Variants in PLXNA4 observed in about 807,000 individuals in gnomAD.
PLXNA4 encodes the protein plexin A4, also known as plexin-A4.
A neutral mutation model predicts 191.8 loss-of-function variants in PLXNA4; 44 were observed. That is an observed-to-expected ratio of 0.23 (90% CI 0.18 to 0.29). The LOEUF (loss-of-function observed/expected upper bound fraction) is 0.29, where lower values mean the gene tolerates loss of function less well. Among genes scored for constraint, PLXNA4 ranks in the 10% least tolerant of loss-of-function variants. The probability of loss-of-function intolerance (pLI) is 1.00; values close to 1 mark genes in which losing one functional copy is unlikely to be tolerated. For synonymous variants in PLXNA4, 1,082 were observed against 1,009.5 expected (o/e 1.07, Z -1.36); for missense variants, 1,800 against 2,488.8 (o/e 0.72, Z 5.89).
chr7:132,507,073 A>G (rs1348536152), intron 2 of PLXNA4, among the ~76,000 whole-genome samples: 3 of 152,054 alleles, frequency 2.0e-5, no homozygotes, highest in South Asian at 2.1e-4. Context: ...TCCTTCTACC[A>G]TATGGTTTTT....
At chr7:132,135,519 C>T (rs917819076) in intron 30 of PLXNA4, among the ~76,000 whole-genome samples, 2 of 152,134 alleles carry the variant, frequency 1.3e-5, no homozygotes, top group African/African-American at 2.4e-5. Flanking sequence ...AAGGAATCCT[C>T]GGTTAGGGGC....
At chr7:132,257,653 C>A (rs1338807449) in intron 4 of PLXNA4, among the ~76,000 whole-genome samples, 3 of 152,202 alleles carry the variant, frequency 2.0e-5, no homozygotes, top group Non-Finnish European at 2.9e-5. Context: ...CAGGAGCCCA[C>A]AGGTGGGCCA....
chr7:132,557,457 G>T (rs1017840097), intron 1 of PLXNA4, among the ~76,000 whole-genome samples: 2 of 151,984 alleles, frequency 1.3e-5, no homozygotes, highest in South Asian at 2.1e-4. Context: ...TGGCGGCAGG[G>T]GGGGACGTAA....
chr7:132,468,727 TGCACAC>T (rs899159500), intron 3 of PLXNA4, among the ~76,000 whole-genome samples: 3 of 146,474 alleles, frequency 2.0e-5, no homozygotes, highest in African/African-American at 8.0e-5. Context: ...ACACACAATA[TGCACAC>T]GCACACACAC....
intron 3 of PLXNA4, chr7:132,484,743 A>G (rs1402463320): frequency 1.1e-5 from 17 of 1,588,356 alleles, no homozygotes; most frequent in Non-Finnish European, 8.6e-7. Flanking sequence ...TGACACTTCC[A>G]TCCATCTGCA....
At chr7:132,140,991 A>G (rs917617237) in intron 29 of PLXNA4, among the ~76,000 whole-genome samples, 180 bp from the exon 30 acceptor site, 4 of 152,124 alleles carry the variant, frequency 2.6e-5, no homozygotes, top group African/African-American at 9.7e-5. Flanking sequence ...CAGGGCCCCA[A>G]TTTACCTTCC....
At chr7:132,417,843 C>T (rs539056531) in intron 3 of PLXNA4, among the ~76,000 whole-genome samples, 30 of 152,088 alleles carry the variant, frequency 2.0e-4, no homozygotes, top group South Asian at 6.3e-4. Context: ...CTCTTTGGTC[C>T]GTGGGTCTCT....
chr7:132,384,973 C>G (rs554497152), intron 3 of PLXNA4: 1 of 1,360,344 alleles, frequency 7.4e-7, no homozygotes, highest in Non-Finnish European at 9.5e-7. Context: ...ACCCATGGGA[C>G]GCTTGGGGCA....
intron 3 of PLXNA4, among the ~76,000 whole-genome samples, chr7:132,473,066 G>A (rs538010187): frequency 3.3e-5 from 5 of 152,368 alleles, no homozygotes; most frequent in East Asian, 1.9e-4. Context: ...CAGGCAGAAG[G>A]TAGAGAGAGT....
chr7:132,352,990 A>T (rs73434896), intron 3 of PLXNA4, among the ~76,000 whole-genome samples: 13,136 of 152,214 alleles, frequency 0.086, 1,088 homozygotes, highest in African/African-American at 0.22. Flanking sequence ...AACATGAAAA[A>T]AAAATCCCAA....
chr7:132,199,422 A>G (rs1318184793), intron 12 of PLXNA4, among the ~76,000 whole-genome samples: 1 of 152,184 alleles, frequency 6.6e-6, no homozygotes. Context: ...GTCAAAGTGT[A>G]CTGGCTTTCC....
chr7:132,145,265 A>T lies in PLXNA4; in HGVS notation c.5079T>A (p.Asp1693Glu). 1 of 1,614,208 alleles carries T rather than the reference A, an allele frequency of 6.2e-7. No individual in the cohort carries two copies. The highest frequency in any genetic ancestry group is 8.5e-7 in the Non-Finnish European group (1 of 1,180,028). The change falls in exon 29 of 32, where the codon GAT (aspartate) becomes GAA (glutamate). Residue 1693 changes from aspartate (D) to glutamate (E), a missense_variant. By Grantham distance (45) the Asp-to-Glu change is conservative (BLOSUM62 2). Transcript: ENST00000321063. ...ATKGTLQKFV[D>E]DLFETIFSTA... ...TGCTGAAGATGGTCTCAAAGAGGTC[A>T]TCCACAAACTTCTGCAGTGTGCCCT... is the stretch of plus-strand genomic sequence containing the variant.
chr7:132,281,956 C>T (rs1486675679), intron 4 of PLXNA4, among the ~76,000 whole-genome samples: 1 of 152,050 alleles, frequency 6.6e-6, no homozygotes, highest in African/African-American at 2.4e-5. Flanking sequence ...ACATAAATTG[C>T]AAATTTGTTG....
chr7:132,452,442 T>C (rs1213977920), intron 3 of PLXNA4, among the ~76,000 whole-genome samples: 2 of 152,164 alleles, frequency 1.3e-5, no homozygotes, highest in Non-Finnish European at 2.9e-5. Context: ...GAAGAAGTAA[T>C]GTGTCCAACA....
At chr7:132,452,364 C>T (rs1563106991) in intron 3 of PLXNA4, among the ~76,000 whole-genome samples, 1 of 152,192 alleles carries the variant, frequency 6.6e-6, no homozygotes, top group African/African-American at 2.4e-5. Context: ...TCACTTCAGA[C>T]CCAGGGAGCC....
intron 8 of PLXNA4, among the ~76,000 whole-genome samples, chr7:132,224,725 G>A (rs936998349): frequency 2.6e-5 from 4 of 152,176 alleles, no homozygotes; most frequent in East Asian, 1.9e-4. Context: ...CAGCTTTGCC[G>A]CAAGAGGCAA....
intron 3 of PLXNA4, among the ~76,000 whole-genome samples, chr7:132,426,625 C>A (rs542568209): frequency 6.6e-6 from 1 of 152,162 alleles, no homozygotes; most frequent in South Asian, 2.1e-4. Flanking sequence ...TCACTGAGAC[C>A]CTCCTTTCTA....
intron 25 of PLXNA4, among the ~76,000 whole-genome samples, chr7:132,157,816 C>T (rs930701070): frequency 1.1e-4 from 16 of 152,194 alleles, no homozygotes; most frequent in African/African-American, 3.9e-4. Flanking sequence ...AGGAGTATTC[C>T]ACTCAATTGT....
At chr7:132,159,245 C>T (rs753426066) in intron 25 of PLXNA4, among the ~76,000 whole-genome samples, 2 of 152,246 alleles carry the variant, frequency 1.3e-5, no homozygotes, top group Non-Finnish European at 1.5e-5. Flanking sequence ...CCAAGTGGCC[C>T]GTGGACCCCT....
Sources: allele counts gnomAD v4.1 joint callset (sites outside exome capture counted in the v4.1 genomes callset), GRCh38; gene constraint gnomAD v4.1.1; transcripts MANE v1.5; gene names NCBI Gene and HGNC (gene_info 2026-07-23, HGNC 2026-07-21).